Variants in RAB3B observed in about 807,000 individuals in gnomAD.
RAB3B encodes ras-related protein Rab-3B.
RAB3B carries 11 observed loss-of-function variants against 20.5 expected under a neutral mutation model. That is an observed-to-expected ratio of 0.54 (90% CI 0.34 to 0.89). The LOEUF (loss-of-function observed/expected upper bound fraction) is 0.89, where lower values mean the gene tolerates loss of function less well. Ranked by LOEUF, RAB3B falls within the 40% of genes least tolerant of loss-of-function variation. The pLI is 0.02. For synonymous variants in RAB3B, 99 were observed against 106.3 expected (o/e 0.93, Z 0.42); for missense variants, 225 against 280.9 (o/e 0.80, Z 1.42).
At chr1:51,972,497 T>C (rs1351101811) in intron 2 of RAB3B, among the ~76,000 whole-genome samples, 1 of 151,124 alleles carries the variant, frequency 6.6e-6, no homozygotes, top group Non-Finnish European at 1.5e-5. Context: ...TTCTTTTTTT[T>C]TTTTTTTTTG....
rs75422333 is a variant in RAB3B at position 51,943,922 on chromosome 1, G to C, written c.229-6510C>G. On this transcript the variant is annotated intron_variant, in intron 2 of 4. Coordinates refer to ENST00000371655, the MANE Select transcript of RAB3B (RefSeq NM_002867.4). ...AATGCTGATGTAGAAGCTGCAGCAA[G>C]GTTATCCAGAAGACCTGCTAAGATC... Among the ~76,000 whole-genome samples, 16 of 152,332 alleles carry C rather than the reference G, an allele frequency of 1.1e-4. No individual in the cohort carries two copies. The East Asian group carries it at 2.9e-3, about 28-fold the overall frequency.
chr1:51,919,899 G>A lies in RAB3B; in HGVS notation c.*28C>T, dbSNP rs529165379. On this transcript the variant is annotated 3_prime_UTR_variant, in exon 5 of 5. Coordinates refer to ENST00000371655, the MANE Select transcript of RAB3B (RefSeq NM_002867.4). ...AGCAGACTGGGTGTGGGGCCACAAT[G>A]AGGGGAGGTCAGGAAGGTGGGCCTT... The A allele has an allele frequency of 1.7e-5, 27 of 1,595,914 alleles. No individual in the cohort carries two copies. The African/African-American group carries it at 3.1e-4, about 18-fold the overall frequency.
chr1:51,952,715 T>C lies in RAB3B; in HGVS notation c.229-15303A>G, dbSNP rs117338520. Among the ~76,000 whole-genome samples the C allele has an allele frequency of 1.9e-4, 29 of 152,196 alleles. No individual in the cohort carries two copies. In the East Asian group the frequency reaches 5.6e-3, roughly 29 times the overall value. On this transcript the variant is annotated intron_variant, in intron 2 of 4. Coordinates refer to ENST00000371655, the MANE Select transcript of RAB3B (RefSeq NM_002867.4). ...GGAATGAATAAATGAAGAAAAAAGA[T>C]AAAAATGAAGAAAAATGAAAATAAA...
At chr1:51,980,747 G>T (rs562957171) in intron 1 of RAB3B, 11 of 754,774 alleles carry the variant, frequency 1.5e-5, no homozygotes, top group African/African-American at 1.2e-4. Flanking sequence ...CATGAAGCCC[G>T]CAAGGACCAA....
chr1:51,976,909 C>G lies in RAB3B; in HGVS notation c.209G>C (p.Arg70Pro). 1 of 1,614,146 alleles carries G rather than the reference C, an allele frequency of 6.2e-7. No homozygotes were observed. The highest frequency in any genetic ancestry group is 1.6e-4 in the Middle Eastern group (1 of 6,062). ...ACTCACCCAGATCTGCAGTTTCACC[C>G]GCTTCTCGTGACGGTAGACTGTCTT... Reference protein sequence around the residue: ...KVKTVYRHEKRVKLQIWDTAG... With the variant: ...KVKTVYRHEKPVKLQIWDTAG... Residue 70 changes from arginine to proline, a missense_variant, in exon 2 of 5, where the codon CGG becomes CCG. Transcript: ENST00000371655.
intron 2 of RAB3B, among the ~76,000 whole-genome samples, chr1:51,945,718 T>G (rs903309158): frequency 6.6e-6 from 1 of 152,244 alleles, no homozygotes; most frequent in Non-Finnish European, 1.5e-5. Context: ...TCATGCTATA[T>G]GTGTCATTTC....
chr1:51,937,169 A>C (rs1056303109), intron 3 of RAB3B, 125 bp downstream of exon 3: 5 of 689,296 alleles, frequency 7.3e-6, no homozygotes, highest in Middle Eastern at 5.4e-4. Context: ...CTCGTCTGTA[A>C]ACTCCTGAGG....
At chr1:51,980,016 T>C (rs1333640437) in intron 1 of RAB3B, among the ~76,000 whole-genome samples, 1 of 152,012 alleles carries the variant, frequency 6.6e-6, no homozygotes, top group Non-Finnish European at 1.5e-5. Flanking sequence ...CACTTCAGCC[T>C]ACGCGACAGA....
At position 51,944,937 on chromosome 1, in the gene RAB3B, C is replaced by T. The variant is rs184310695; in HGVS notation, c.229-7525G>A. 1.6e-4 allele frequency among the ~76,000 whole-genome samples: 25 copies of T among 152,276 alleles called. 1 individual carries two copies. Among genetic ancestry groups the T allele is most frequent in the African/African-American group, 6.0e-4 (25 of 41,550 alleles). ...AAGAAGTTCTACTATGGGTAAAATG[C>T]TATCAAACAGCATCACCATGCAACA... On this transcript the variant is annotated intron_variant, in intron 2 of 4. Transcript: ENST00000371655.
At position 51,913,150 on chromosome 1, in the gene RAB3B, T is replaced by C. The variant is rs902377377; in HGVS notation, c.*6777A>G. 4.6e-5 allele frequency: 7 copies of C among 152,130 alleles called. No homozygotes were observed. Among genetic ancestry groups the C allele is most frequent in the African/African-American group, 1.7e-4 (7 of 41,434 alleles). The allele number at this position is 152,130 out of a possible 1,614,324, so 9.4% of individuals were successfully genotyped here. On this transcript the variant is annotated 3_prime_UTR_variant, in exon 5 of 5. Coordinates refer to ENST00000371655, the MANE Select transcript of RAB3B (RefSeq NM_002867.4). ...ATTATCTACGGTGAATCCTGTGAAA[T>C]GAGAAGTCAGATTCATCCCTCGGGG...
chr1:51,921,320 T>G (rs932783307), intron 4 of RAB3B, among the ~76,000 whole-genome samples: 6 of 152,136 alleles, frequency 3.9e-5, no homozygotes, highest in African/African-American at 1.4e-4. Flanking sequence ...ACTGATATCA[T>G]CTTCTTTAAT....
intron 2 of RAB3B, among the ~76,000 whole-genome samples, chr1:51,948,561 T>A (rs556786999): frequency 6.6e-6 from 1 of 152,210 alleles, no homozygotes; most frequent in Non-Finnish European, 1.5e-5. Context: ...CAGTGTCTGT[T>A]ACCATAGGAG....
At position 51,919,717 on chromosome 1, in the gene RAB3B, C is replaced by T; in HGVS notation, c.*210G>A. 8.4e-6 allele frequency: 4 copies of T among 476,514 alleles called. No individual in the cohort carries two copies. Among genetic ancestry groups the T allele is most frequent in the Non-Finnish European group, 1.5e-5 (4 of 269,230 alleles). The allele number at this position is 476,514 out of a possible 1,614,324, so 29.5% of individuals were successfully genotyped here. On this transcript the variant is annotated 3_prime_UTR_variant, in exon 5 of 5. Transcript: ENST00000371655. ...AAGTGATTCTGCACCCGTGTAGTGA[C>T]CTGTTATGTTAGTCTAGTGCTGAGT...
chr1:51,920,187 A>G, intron 4 of RAB3B, 73 bp from the exon 5 acceptor site: 2 of 1,372,678 alleles, frequency 1.5e-6, no homozygotes, highest in Non-Finnish European at 1.0e-6. Context: ...CCCTCAGCCC[A>G]AGCACTCTGG....
rs1488442653 is a variant in RAB3B at position 51,912,057 on chromosome 1, T to C, written c.*7870A>G. ...GAATCAATAAAATAGGTATTAATAATAATGGAAGTCTCTGAATTCTCTTCA... is the reference window on the plus strand; with the variant it reads ...GAATCAATAAAATAGGTATTAATAACAATGGAAGTCTCTGAATTCTCTTCA... On this transcript the variant is annotated 3_prime_UTR_variant, in exon 5 of 5. Transcript: ENST00000371655. The C allele has an allele frequency of 1.3e-5, 2 of 151,876 alleles. No homozygotes were observed. The highest frequency in any genetic ancestry group is 2.9e-5 in the Non-Finnish European group (2 of 67,990). The allele number at this position is 151,876 out of a possible 1,614,324, so 9.4% of individuals were successfully genotyped here.
intron 2 of RAB3B, among the ~76,000 whole-genome samples, chr1:51,947,124 G>A (rs983462297): frequency 1.3e-5 from 2 of 152,140 alleles, no homozygotes; most frequent in South Asian, 2.1e-4. Context: ...GGCCAGGCAC[G>A]GTGGCTCATG....
chr1:51,925,726 G>A (rs1157670659), intron 4 of RAB3B, among the ~76,000 whole-genome samples: 3 of 152,084 alleles, frequency 2.0e-5, no homozygotes, highest in Non-Finnish European at 4.4e-5. Flanking sequence ...AACATATAAT[G>A]TCTCTCTCCC....
chr1:51,978,685 G>C (rs759501066), intron 1 of RAB3B, among the ~76,000 whole-genome samples: 1 of 152,196 alleles, frequency 6.6e-6, no homozygotes, highest in African/African-American at 2.4e-5. Flanking sequence ...CTTCTTCTCA[G>C]CACAAGGGTA....
At chr1:51,987,032 A>T (rs532401679) in intron 1 of RAB3B, among the ~76,000 whole-genome samples, 1 of 152,364 alleles carries the variant, frequency 6.6e-6, no homozygotes, top group Admixed American at 6.5e-5. Context: ...ATACAGATGA[A>T]GGCCCAGGGA....
Sources: gnomAD v4.1 joint callset for allele counts (sites outside exome capture counted in the v4.1 genomes callset) on GRCh38, gnomAD v4.1.1 for gene constraint, MANE v1.5 for transcripts, NCBI Gene and HGNC (gene_info 2026-07-23, HGNC 2026-07-21) for gene names.